SLC25A26: variants seen among roughly 807,000 people sequenced by gnomAD.
SLC25A26 encodes mitochondrial S-adenosylmethionine carrier protein.
Under a neutral mutation model 37.8 loss-of-function variants are expected in SLC25A26, and 36 were observed. That is an observed-to-expected ratio of 0.95 (90% CI 0.73 to 1.26). The LOEUF (loss-of-function observed/expected upper bound fraction) is 1.26. Ranked by LOEUF, SLC25A26 falls within the 50% of genes most tolerant of loss-of-function variation. The pLI is 0.00. For missense variants in SLC25A26, 390 were observed against 331.1 expected, an observed-to-expected ratio of 1.18 and a Z score of -1.38; for synonymous variants, 129 against 122.5, an observed-to-expected ratio of 1.05 and a Z score of -0.35.
At chr3:66,316,531 CT>C (rs1383802670) in intron 5 of SLC25A26, among the ~76,000 whole-genome samples, 2 of 152,130 alleles carry the variant, frequency 1.3e-5, no homozygotes, top group Admixed American at 1.3e-4. Context: ...GCCTTTCTCT[CT>C]GGCTGCCCTT....
At chr3:66,282,505 A>C (rs1371871231) in intron 5 of SLC25A26, among the ~76,000 whole-genome samples, 2 of 151,240 alleles carry the variant, frequency 1.3e-5, no homozygotes, top group Non-Finnish European at 3.0e-5. Flanking sequence ...CTTACCTTGT[A>C]CTCTCCCTGC....
intron 5 of SLC25A26, among the ~76,000 whole-genome samples, chr3:66,318,453 G>T (rs180832032): frequency 9.9e-5 from 15 of 152,150 alleles, no homozygotes; most frequent in Admixed American, 1.3e-4. Flanking sequence ...TGAAGCTCCC[G>T]GGTGGGCCCT....
chr3:66,188,938 T>G (rs2070883587), intron 1 of SLC25A26, among the ~76,000 whole-genome samples: 1 of 152,044 alleles, frequency 6.6e-6, no homozygotes, highest in African/African-American at 2.4e-5. Flanking sequence ...TGATGCCTGA[T>G]CCTTACAATG....
intron 1 of SLC25A26, among the ~76,000 whole-genome samples, chr3:66,134,564 C>G (rs1037203799): frequency 5.3e-5 from 8 of 152,176 alleles, no homozygotes; most frequent in Admixed American, 4.6e-4. Context: ...TCCAAACACC[C>G]TCAAGTTACC....
At position 66,140,036 on chromosome 3, in the gene SLC25A26, T is replaced by C. The variant is rs142010930; in HGVS notation, c.-354+6052T>C. Among the ~76,000 whole-genome samples the C allele has an allele frequency of 7.0e-4, 107 of 152,316 alleles. No individual in the cohort carries two copies. In the East Asian group the frequency reaches 0.02, roughly 28 times the overall value. ...ATTAACTTACTAACTTACTGGCTCA[T>C]GGAACTGAGAGATCAGAGCTTCAGG... On this transcript the variant is annotated intron_variant, in intron 1 of 10. Transcript: ENST00000676754.
chr3:66,157,399 A>G (rs138278671), intron 1 of SLC25A26, among the ~76,000 whole-genome samples: 62,745 of 152,074 alleles, frequency 0.41, 13,182 homozygotes, highest in African/African-American at 0.47. Flanking sequence ...AGACCAGTCT[A>G]GGCAACACAG....
chr3:66,331,869 A>AT (rs1213441692), intron 5 of SLC25A26, among the ~76,000 whole-genome samples: 2 of 151,412 alleles, frequency 1.3e-5, no homozygotes, highest in Non-Finnish European at 2.9e-5. Context: ...ACTTTGGAAT[A>AT]TTTTCACTTT....
At chr3:66,183,813 C>T (rs554913277) in intron 1 of SLC25A26, among the ~76,000 whole-genome samples, 1 of 152,044 alleles carries the variant, frequency 6.6e-6, no homozygotes, top group Non-Finnish European at 1.5e-5. Context: ...TTGGCTCTTA[C>T]CCTGATTCTA....
intron 6 of SLC25A26, among the ~76,000 whole-genome samples, chr3:66,347,566 C>T (rs1320239001): frequency 3.3e-5 from 5 of 152,096 alleles, no homozygotes; most frequent in Admixed American, 6.6e-5. Context: ...GACAGTGTGG[C>T]GATTTCTCAA....
At chr3:66,172,493 A>G (rs2070515973) in intron 1 of SLC25A26, among the ~76,000 whole-genome samples, 1 of 151,710 alleles carries the variant, frequency 6.6e-6, no homozygotes, top group South Asian at 2.1e-4. Context: ...TCAGGAAACT[A>G]AAAATTCTAG....
In SLC25A26 at chr3:66,197,065, A is replaced by G. The variant is rs918658302; in HGVS notation, c.-353-23677A>G. On this transcript the variant is annotated intron_variant, in intron 1 of 10. Coordinates refer to the SLC25A26 transcript ENST00000676754. ...GTAAGAATGCGCCTTTGAAAGTAGT[A>G]TGTTTTGCTGTCCTTATGTTTATGT... Among the ~76,000 whole-genome samples, 3 of 152,284 alleles carry G rather than the reference A, an allele frequency of 2.0e-5. No individual in the cohort carries two copies. In the East Asian group the frequency reaches 5.8e-4, roughly 29 times the overall value.
Position 66,250,294 on chromosome 3 carries a change from T to C in SLC25A26, c.300+6982T>C, listed in dbSNP as rs147885713. Among the ~76,000 whole-genome samples, 997 of 152,298 alleles carry C rather than the reference T, an allele frequency of 6.5e-3. 10 individuals carry two copies. Among genetic ancestry groups the C allele is most frequent in the Admixed American group, 0.01 (158 of 15,300 alleles). Reference sequence around the variant, plus strand: ...TGAAGTTCCTAATACGTTCCAGGCATTGAGGATGAAATGACAGGATAAGAT... The same window carrying C: ...TGAAGTTCCTAATACGTTCCAGGCACTGAGGATGAAATGACAGGATAAGAT... On this transcript the variant is annotated intron_variant, in intron 3 of 9. Coordinates refer to ENST00000354883, the MANE Select transcript of SLC25A26 (RefSeq NM_001379210.1).
At chr3:66,319,924 T>G (rs1006452069) in intron 5 of SLC25A26, among the ~76,000 whole-genome samples, 1 of 151,870 alleles carries the variant, frequency 6.6e-6, no homozygotes, top group Non-Finnish European at 1.5e-5. Flanking sequence ...TGGCTAATTT[T>G]TTAGTAGAGA....
Position 66,346,369 on chromosome 3 carries a change from T to C in SLC25A26, c.459T>C (p.Pro153=). ...GYKSTVLREI[P]FSLVQFPLWE... ...TTTTTTTTTTCTCTCTTCAGATTCC[T>C]TTTTCTTTGGTCCAGTTTCCCTTAT... Residue 153 remains proline (P), a synonymous_variant, in exon 6 of 10, where the codon CCT becomes CCC. Transcript: ENST00000354883. The C allele has an allele frequency of 1.3e-6, 2 of 1,487,346 alleles. No homozygotes were observed. The highest frequency in any genetic ancestry group is 2.5e-5 in the East Asian group (1 of 40,006). The allele number at this position is 1,487,346 out of a possible 1,614,324, so 92.1% of individuals were successfully genotyped here. A position where few individuals can be genotyped will look rare whatever the true frequency, so the allele number is the denominator to read the frequency against.
intron 1 of SLC25A26, among the ~76,000 whole-genome samples, chr3:66,164,870 G>A (rs1040452791): frequency 3.3e-5 from 5 of 152,106 alleles, no homozygotes; most frequent in Non-Finnish European, 5.9e-5. Flanking sequence ...GCCACAGAAG[G>A]GTGCACAAGT....
chr3:66,134,136 C>T (rs1168853945), intron 1 of SLC25A26, among the ~76,000 whole-genome samples: 1 of 152,184 alleles, frequency 6.6e-6, no homozygotes, highest in East Asian at 1.9e-4. Flanking sequence ...AAAAACAAAA[C>T]AGGGATAACT....
At chr3:66,212,880 T>C (rs1227976832) in intron 1 of SLC25A26, among the ~76,000 whole-genome samples, 2 of 152,236 alleles carry the variant, frequency 1.3e-5, no homozygotes, top group East Asian at 1.9e-4. Flanking sequence ...CCATATTTTG[T>C]GTACCCATTC....
intron 2 of SLC25A26, among the ~76,000 whole-genome samples, chr3:66,238,026 T>C (rs141088312): frequency 0.44 from 66,910 of 152,038 alleles, 17,093 homozygotes; most frequent in African/African-American, 0.7. Context: ...TTTGGTCATC[T>C]TTCGATTTTT....
chr3:66,343,455 C>T lies in SLC25A26; in HGVS notation c.454-2909C>T, dbSNP rs893233792. Among the ~76,000 whole-genome samples the T allele has an allele frequency of 5.3e-5, 8 of 152,144 alleles. 1 individual carries two copies. The highest frequency in any genetic ancestry group is 3.9e-4 in the Admixed American group (6 of 15,272). On this transcript the variant is annotated intron_variant, in intron 5 of 9. Coordinates refer to ENST00000354883, the MANE Select transcript of SLC25A26 (RefSeq NM_001379210.1). ...AGAGAGTAAAGCTGGGGTTTACTGT[C>T]GCTCCCTTTTTAAACTAAATACCCA... is the stretch of plus-strand genomic sequence containing the variant.
Sources: allele counts gnomAD v4.1 joint callset (sites outside exome capture counted in the v4.1 genomes callset), GRCh38; gene constraint gnomAD v4.1.1; transcripts MANE v1.5; gene names NCBI Gene and HGNC (gene_info 2026-07-23, HGNC 2026-07-21).